VDAC1: variants seen among roughly 807,000 people sequenced by gnomAD.
The protein encoded by VDAC1 is voltage dependent anion channel 1.
VDAC1 carries 10 observed loss-of-function variants against 34.7 expected under a neutral mutation model. The observed-to-expected ratio is 0.29, with a 90% CI of 0.18 to 0.49. The LOEUF (loss-of-function observed/expected upper bound fraction) is 0.49. Among genes scored for constraint, VDAC1 ranks in the 20% least tolerant of loss-of-function variants. VDAC1 has a pLI of 0.99. For missense variants in VDAC1, 230 were observed against 347.9 expected, an observed-to-expected ratio of 0.66 and a Z score of 2.69; for synonymous variants, 130 against 136.0, an observed-to-expected ratio of 0.96 and a Z score of 0.30.
intron 1 of VDAC1, among the ~76,000 whole-genome samples, chr5:133,998,077 A>G (rs1450819649): frequency 6.6e-6 from 1 of 151,906 alleles, no homozygotes; most frequent in African/African-American, 2.4e-5. Flanking sequence ...CGAAACAAAA[A>G]AAAAAAAAAG....
the VDAC1 span, among the ~76,000 whole-genome samples, chr5:134,049,726 C>T: frequency 6.6e-6 from 1 of 152,004 alleles, no homozygotes; most frequent in East Asian, 1.9e-4. Context: ...AATACAGGCG[C>T]CCACCACCAC....
the VDAC1 span, among the ~76,000 whole-genome samples, chr5:134,035,618 T>A: frequency 6.6e-6 from 1 of 152,264 alleles, no homozygotes; most frequent in Admixed American, 6.5e-5. Context: ...TCCATACTGA[T>A]GGAAATAAAA....
chr5:134,062,593 T>C, the VDAC1 span, among the ~76,000 whole-genome samples: 1 of 150,948 alleles, frequency 6.6e-6, no homozygotes, highest in African/African-American at 2.5e-5. Context: ...TCTTTTCCAA[T>C]TTTCTGAAAC....
At chr5:134,013,631 A>AG in the VDAC1 span, among the ~76,000 whole-genome samples, 1 of 152,174 alleles carries the variant, frequency 6.6e-6, no homozygotes, top group Non-Finnish European at 1.5e-5. Flanking sequence ...CAAGCAAAAA[A>AG]CAAAGACCCC....
chr5:134,097,853 CTTTCTT>C, the VDAC1 span, among the ~76,000 whole-genome samples: 3 of 151,994 alleles, frequency 2.0e-5, no homozygotes, highest in Non-Finnish European at 2.9e-5. Context: ...ACAAGGATTC[CTTTCTT>C]TTTCTTTTTC....
the VDAC1 span, among the ~76,000 whole-genome samples, chr5:134,082,710 C>T: frequency 6.6e-6 from 1 of 152,188 alleles, no homozygotes; most frequent in Non-Finnish European, 1.5e-5. Context: ...TTGCCAACAC[C>T]TGGTATGGTC....
chr5:134,103,499 A>C, the VDAC1 span, among the ~76,000 whole-genome samples: 1 of 152,060 alleles, frequency 6.6e-6, no homozygotes. Flanking sequence ...GGCAGGAGAG[A>C]TCGACTCCCC....
the VDAC1 span, among the ~76,000 whole-genome samples, chr5:134,077,057 T>A: frequency 6.6e-6 from 1 of 152,122 alleles, no homozygotes; most frequent in Admixed American, 6.6e-5. Context: ...GGCGGCCAGA[T>A]CACTTGAGGC....
intron 6 of VDAC1, 40 bp downstream of exon 6, chr5:133,980,689 A>AGCCCCC: frequency 1.2e-5 from 7 of 564,058 alleles, no homozygotes; most frequent in East Asian, 3.4e-5. Context: ...ACATGCTCCA[A>AGCCCCC]CCCCACCCCT....
At chr5:134,102,127 T>C in the VDAC1 span, among the ~76,000 whole-genome samples, 20 of 151,650 alleles carry the variant, frequency 1.3e-4, no homozygotes, top group Admixed American at 3.9e-4. Flanking sequence ...TTCCCACTCC[T>C]GCAGTTGAGA....
chr5:134,104,210 AG>A, the VDAC1 span, among the ~76,000 whole-genome samples: 1 of 152,192 alleles, frequency 6.6e-6, no homozygotes, highest in African/African-American at 2.4e-5. Flanking sequence ...ATGAGCAGAG[AG>A]GCCCCATGAA....
At chr5:134,080,333 A>C in the VDAC1 span, among the ~76,000 whole-genome samples, 1 of 152,190 alleles carries the variant, frequency 6.6e-6, no homozygotes, top group Non-Finnish European at 1.5e-5. Context: ...AGCCAGTGAG[A>C]GATGCCAGGG....
the VDAC1 span, among the ~76,000 whole-genome samples, chr5:134,016,326 G>A: frequency 1.3e-5 from 2 of 152,216 alleles, no homozygotes; most frequent in Non-Finnish European, 2.9e-5. Context: ...GGTGTTGTAA[G>A]AAGAACTGGC....
At chr5:134,068,074 C>T in the VDAC1 span, among the ~76,000 whole-genome samples, 1 of 151,988 alleles carries the variant, frequency 6.6e-6, no homozygotes, top group Non-Finnish European at 1.5e-5. Flanking sequence ...GCAGAGATCG[C>T]ACCACTGCAC....
chr5:134,033,503 C>T, the VDAC1 span, among the ~76,000 whole-genome samples: 2 of 151,804 alleles, frequency 1.3e-5, no homozygotes, highest in Admixed American at 6.6e-5. Context: ...GAGCGGCAGG[C>T]AGGTGCTTAT....
intron 5 of VDAC1, among the ~76,000 whole-genome samples, chr5:133,990,378 C>T (rs1753061468): frequency 6.6e-6 from 1 of 152,230 alleles, no homozygotes; most frequent in Non-Finnish European, 1.5e-5. Flanking sequence ...GTCATAGCCA[C>T]TTACATCACC....
the VDAC1 span, among the ~76,000 whole-genome samples, chr5:134,065,818 G>T: frequency 2.5e-4 from 31 of 122,764 alleles, no homozygotes; most frequent in African/African-American, 9.1e-4. Flanking sequence ...TTTTGAGACG[G>T]GGTTTCACTC....
At chr5:134,110,357 C>T in the VDAC1 span, among the ~76,000 whole-genome samples, 2,535 of 152,272 alleles carry the variant, frequency 0.017, 75 homozygotes, top group African/African-American at 0.058. Context: ...GAAGAAAGAA[C>T]TGACCCCAAA....
At chr5:134,058,537 A>G in the VDAC1 span, among the ~76,000 whole-genome samples, 99,173 of 151,756 alleles carry the variant, frequency 0.65, 32,825 homozygotes, top group East Asian at 0.8. Context: ...GGACGGTCTC[A>G]ATCTCCTGAC....
Sources: gnomAD v4.1 joint callset for allele counts (sites outside exome capture counted in the v4.1 genomes callset) on GRCh38, gnomAD v4.1.1 for gene constraint, MANE v1.5 for transcripts, NCBI Gene and HGNC (gene_info 2026-07-23, HGNC 2026-07-21) for gene names.